PIK3C2G: variants seen among roughly 807,000 people sequenced by gnomAD.
PIK3C2G encodes phosphatidylinositol-4-phosphate 3-kinase catalytic subunit type 2 gamma.
In PIK3C2G, 168 loss-of-function variants were observed where a neutral mutation model predicts 181.1. The ratio of observed to expected loss-of-function variants is 0.93; its 90% CI spans 0.82 to 1.05. The LOEUF (loss-of-function observed/expected upper bound fraction) is 1.05. Ranked by LOEUF, PIK3C2G falls within the 50% of genes least tolerant of loss-of-function variation. PIK3C2G has a pLI of 0.00. For synonymous variants in PIK3C2G, 573 were observed against 592.2 expected, an observed-to-expected ratio of 0.97 and a Z score of 0.47; for missense variants, 1,869 against 1,732.8, an observed-to-expected ratio of 1.08 and a Z score of -1.40.
Position 18,505,352 on chromosome 12 carries a change from G to T in PIK3C2G, c.3214G>T (p.Val1072Leu). 1 of 1,613,022 alleles carries T rather than the reference G, an allele frequency of 6.2e-7. No individual in the cohort carries two copies. The highest frequency in any genetic ancestry group is 2.2e-5 in the East Asian group (1 of 44,850). ...GTGTGTGGTAACATTCATCCTGGGA[G>T]TATGTGACCGTCACAATGATAATAT... ...GWCVVTFILG[V>L]CDRHNDNIML... The change falls in exon 24 of 33, where the codon GTA becomes TTA. Residue 1072 changes from valine to leucine, a missense_variant. Val to Leu is a conservative substitution (Grantham distance 32). Coordinates refer to ENST00000538779, the MANE Select transcript of PIK3C2G (RefSeq NM_001288772.2).
chr12:18,615,094 G>A (rs1450669381), intron 31 of PIK3C2G, among the ~76,000 whole-genome samples: 1 of 151,916 alleles, frequency 6.6e-6, no homozygotes, highest in Non-Finnish European at 1.5e-5. Context: ...TGTACCCAAT[G>A]TGTAGTCTTT....
chr12:18,550,687 G>A (rs1944683851), intron 26 of PIK3C2G, among the ~76,000 whole-genome samples: 1 of 151,776 alleles, frequency 6.6e-6, no homozygotes, highest in African/African-American at 2.4e-5. Flanking sequence ...TGTTCTGATA[G>A]GCTAAAAGTA....
At chr12:18,338,980 T>A (rs1405483059) in intron 9 of PIK3C2G, among the ~76,000 whole-genome samples, 1 of 152,096 alleles carries the variant, frequency 6.6e-6, no homozygotes, top group African/African-American at 2.4e-5. Flanking sequence ...TTTGTATGGA[T>A]AAGCATATTT....
At chr12:18,535,696 TAG>T (rs1943815416) in intron 24 of PIK3C2G, among the ~76,000 whole-genome samples, 1 of 151,932 alleles carries the variant, frequency 6.6e-6, no homozygotes, top group Non-Finnish European at 1.5e-5. Flanking sequence ...AAACACAGCA[TAG>T]AGAGTAGGGT....
chr12:18,715,160 A>G, the PIK3C2G span, among the ~76,000 whole-genome samples: 63,357 of 63,362 alleles, frequency 1, 31,676 homozygotes, highest in Middle Eastern at 1. Flanking sequence ...AATATGAGAG[A>G]AAGGCGGTGG....
At chr12:18,630,170 TC>T (rs1195771603) in intron 31 of PIK3C2G, among the ~76,000 whole-genome samples, 1 of 151,932 alleles carries the variant, frequency 6.6e-6, no homozygotes, top group Non-Finnish European at 1.5e-5. Flanking sequence ...CCAGGCAGAT[TC>T]CTTGAGGTCA....
chr12:18,366,237 G>A (rs926905101), intron 12 of PIK3C2G, among the ~76,000 whole-genome samples: 2 of 152,126 alleles, frequency 1.3e-5, no homozygotes, highest in African/African-American at 4.8e-5. Flanking sequence ...GTATTAATAG[G>A]AGAGTTCTAA....
chr12:18,389,874 C>T (rs1374739399), intron 14 of PIK3C2G, among the ~76,000 whole-genome samples: 2 of 152,240 alleles, frequency 1.3e-5, no homozygotes, highest in East Asian at 3.9e-4. Flanking sequence ...TCTCAGTTTT[C>T]TCATCTACCA....
upstream of PIK3C2G, among the ~76,000 whole-genome samples, chr12:18,245,690 C>T (rs2136930212): frequency 6.6e-6 from 1 of 152,094 alleles, no homozygotes; most frequent in South Asian, 2.1e-4. Flanking sequence ...CAGAATTTTC[C>T]CTTTATCTAA....
rs1030895696 is a variant in PIK3C2G at position 18,398,247 on chromosome 12, TA to T, written c.2127-1404del. On this transcript the variant is annotated intron_variant, in intron 15 of 32. Coordinates refer to ENST00000538779, the MANE Select transcript of PIK3C2G (RefSeq NM_001288772.2). ...GTGAATTTGCTTTAACAAAAAGAGC[TA>T]AAAAAAAGAAAGAAAGCATTGTTCA... 7.2e-5 allele frequency among the ~76,000 whole-genome samples: 11 copies of T among 151,758 alleles called. 1 individual carries two copies. The highest frequency in any genetic ancestry group is 2.4e-5 in the African/African-American group (1 of 41,340).
At chr12:18,558,615 T>C (rs1406060758) in intron 26 of PIK3C2G, among the ~76,000 whole-genome samples, 3 of 152,210 alleles carry the variant, frequency 2.0e-5, no homozygotes, top group Non-Finnish European at 2.9e-5. Flanking sequence ...ACTCTAGTCA[T>C]TCATCTGCCT....
chr12:18,456,976 T>C (rs2135918034), intron 18 of PIK3C2G, among the ~76,000 whole-genome samples: 1 of 152,252 alleles, frequency 6.6e-6, no homozygotes, highest in East Asian at 1.9e-4. Context: ...GAGAACTTTG[T>C]AATCTTGAGG....
chr12:18,696,209 G>C, the PIK3C2G span: 1 of 1,601,380 alleles, frequency 6.2e-7, no homozygotes, highest in South Asian at 1.1e-5. Flanking sequence ...GTCTGCTCTT[G>C]TTGCTTTGGG....
intron 24 of PIK3C2G, among the ~76,000 whole-genome samples, chr12:18,506,987 A>G (rs1386645088): frequency 6.6e-6 from 1 of 152,106 alleles, no homozygotes; most frequent in African/African-American, 2.4e-5. Flanking sequence ...TCTTTAATAA[A>G]CAGCCTCGAA....
At chr12:18,512,214 T>C (rs1268877845) in intron 24 of PIK3C2G, among the ~76,000 whole-genome samples, 1 of 152,056 alleles carries the variant, frequency 6.6e-6, no homozygotes, top group Non-Finnish European at 1.5e-5. Flanking sequence ...TTGATTACAA[T>C]CACTTTATAA....
At chr12:18,381,241 T>C (rs1345663753) in intron 13 of PIK3C2G, among the ~76,000 whole-genome samples, 1 of 152,212 alleles carries the variant, frequency 6.6e-6, no homozygotes, top group Non-Finnish European at 1.5e-5. Context: ...AAGGAAGCGT[T>C]TCCTCCGTGA....
chr12:18,270,863 AATTG>A (rs1420739224), intron 1 of PIK3C2G, among the ~76,000 whole-genome samples: 1 of 152,176 alleles, frequency 6.6e-6, no homozygotes, highest in African/African-American at 2.4e-5. Context: ...ACTACATCTG[AATTG>A]ATTAATATTT....
chr12:18,509,993 T>G (rs1942102859), intron 24 of PIK3C2G, among the ~76,000 whole-genome samples: 1 of 151,998 alleles, frequency 6.6e-6, no homozygotes, highest in Non-Finnish European at 1.5e-5. Context: ...TTGGGGGACA[T>G]GGTCTCACTC....
chr12:18,623,073 CA>C (rs1281803729), intron 31 of PIK3C2G, among the ~76,000 whole-genome samples: 1 of 151,694 alleles, frequency 6.6e-6, no homozygotes, highest in Admixed American at 6.6e-5. Flanking sequence ...TCTATCTTTG[CA>C]TTTGTTGTCT....
Sources: gnomAD v4.1 joint callset for allele counts (sites outside exome capture counted in the v4.1 genomes callset) on GRCh38, gnomAD v4.1.1 for gene constraint, MANE v1.5 for transcripts, NCBI Gene and HGNC (gene_info 2026-07-23, HGNC 2026-07-21) for gene names.